Variants in HEATR5A observed in about 807,000 individuals in gnomAD.
HEATR5A encodes the protein HEAT repeat-containing protein 5A.
HEATR5A carries 178 observed loss-of-function variants against 218.8 expected under a neutral mutation model. That is an observed-to-expected ratio of 0.81 (90% CI 0.72 to 0.92). The LOEUF is 0.92. Among genes scored for constraint, HEATR5A ranks in the 40% least tolerant of loss-of-function variants. The probability of loss-of-function intolerance (pLI) is 0.00; values close to 1 mark genes in which losing one functional copy is unlikely to be tolerated. For missense variants in HEATR5A, 2,420 were observed against 2,418.9 expected (o/e 1.00, Z -0.01); for synonymous variants, 864 against 871.6 (o/e 0.99, Z 0.15).
At chr14:31,335,072 G>A (rs1005930175) in intron 22 of HEATR5A, among the ~76,000 whole-genome samples, 1 of 151,896 alleles carries the variant, frequency 6.6e-6, no homozygotes, top group Non-Finnish European at 1.5e-5. Context: ...AAAAGATTAT[G>A]ACTCACTGAA....
At chr14:31,418,402 A>C (rs1340347060) in intron 1 of HEATR5A, among the ~76,000 whole-genome samples, 1 of 152,212 alleles carries the variant, frequency 6.6e-6, no homozygotes, top group Non-Finnish European at 1.5e-5. Context: ...TCAAAAACAA[A>C]ACATGCACAG....
At chr14:31,324,721 T>G (rs2139171071) in intron 23 of HEATR5A, among the ~76,000 whole-genome samples, 1 of 151,024 alleles carries the variant, frequency 6.6e-6, no homozygotes, top group Middle Eastern at 3.4e-3. Flanking sequence ...CTTGCTCTGT[T>G]ACACAATCAT....
intron 1 of HEATR5A, among the ~76,000 whole-genome samples, chr14:31,414,143 GA>G (rs2031372690): frequency 6.6e-6 from 1 of 152,118 alleles, no homozygotes; most frequent in African/African-American, 2.4e-5. Flanking sequence ...ATGGAAGGGG[GA>G]TTTCATTCTG....
At chr14:31,364,345 C>T (rs1010808882) in intron 13 of HEATR5A, 47 bp from the exon 14 acceptor site, 17 of 916,270 alleles carry the variant, frequency 1.9e-5, no homozygotes, top group Non-Finnish European at 2.5e-5. Context: ...AGTTATATAA[C>T]AATATACAAA....
At chr14:31,411,074 G>GC (rs1275457781) in intron 1 of HEATR5A, among the ~76,000 whole-genome samples, 10 of 152,052 alleles carry the variant, frequency 6.6e-5, no homozygotes, top group South Asian at 2.1e-4. Flanking sequence ...AACTTTTATA[G>GC]CCAATGCTGA....
At chr14:31,401,296 G>A (rs968727390) in intron 2 of HEATR5A, among the ~76,000 whole-genome samples, 6 of 152,098 alleles carry the variant, frequency 3.9e-5, no homozygotes, top group Admixed American at 1.3e-4. Context: ...CAGTGAGTGA[G>A]TTCTCACAAG....
Position 31,364,220 on chromosome 14 carries a change from CA to C in HEATR5A, c.2039del (p.Leu680ArgfsTer2), listed in dbSNP as rs1566769143. Reference protein sequence around the residue: ...SVVYRQRLYELLILLPPETYE... With the variant: ...SVVYRQRLYEXLILLPPETYE... ...AGGTCTCAGGAGGTAATAAAATCAA[CA>C]GTTCATAAAGTCTTTGTCTATAAAC... is the stretch of plus-strand genomic sequence containing the variant. On this transcript the variant is annotated frameshift_variant, in exon 14 of 36. Transcript: ENST00000543095. LOFTEE classifies it high-confidence loss of function. The C allele has an allele frequency of 1.3e-6, 2 of 1,545,962 alleles. No individual in the cohort carries two copies. Among genetic ancestry groups the C allele is most frequent in the Admixed American group, 2.0e-5 (1 of 51,128 alleles).
intron 1 of HEATR5A, among the ~76,000 whole-genome samples, chr14:31,406,562 A>G (rs2031067926): frequency 6.6e-6 from 1 of 152,200 alleles, no homozygotes; most frequent in Admixed American, 6.5e-5. Flanking sequence ...AAGGTCACAC[A>G]GAACCTGGGT....
At chr14:31,379,439 G>T (rs2029895515) in intron 11 of HEATR5A, among the ~76,000 whole-genome samples, 1 of 147,942 alleles carries the variant, frequency 6.8e-6, no homozygotes, top group Admixed American at 6.7e-5. Flanking sequence ...TAGTAGAGAT[G>T]GGGTTTCACC....
In HEATR5A at chr14:31,347,891, C is replaced by A; in HGVS notation, c.2725G>T (p.Asp909Tyr). The A allele has an allele frequency of 6.6e-7, 1 of 1,514,956 alleles. No individual in the cohort carries two copies. The highest frequency in any genetic ancestry group is 8.8e-7 in the Non-Finnish European group (1 of 1,135,134). The allele number at this position is 1,514,956 out of a possible 1,614,324, so 93.8% of individuals were successfully genotyped here. A position where few individuals can be genotyped will look rare whatever the true frequency, so the allele number is the denominator to read the frequency against. Residue 909 changes from aspartate to tyrosine, a missense_variant, in exon 19 of 36, where the codon GAT becomes TAT. Coordinates refer to ENST00000543095, the MANE Select transcript of HEATR5A (RefSeq NM_015473.4). ...GAGTGTCCTGTTCTGGTAACCACATCCCTTGCTGATTTCAATCTGTAAATA... is the reference window on the plus strand; with the variant it reads ...GAGTGTCCTGTTCTGGTAACCACATACCTTGCTGATTTCAATCTGTAAATA... Reference protein sequence around the residue: ...VSFDKLKSARDVVTRTGHSLA... With the variant: ...VSFDKLKSARYVVTRTGHSLA...
At chr14:31,301,804 CTTTCTTT>C (rs1899387207) in intron 33 of HEATR5A, among the ~76,000 whole-genome samples, 3 of 99,746 alleles carry the variant, frequency 3.0e-5, no homozygotes, top group Admixed American at 2.6e-4. Flanking sequence ...CAGAACACAG[CTTTCTTT>C]TTTTTTTTTT....
At position 31,312,959 on chromosome 14, in the gene HEATR5A, T is replaced by C. The variant is rs778656372; in HGVS notation, c.4441+9A>G. On this transcript the variant is annotated intron_variant, in intron 28 of 35. Coordinates refer to ENST00000543095, the MANE Select transcript of HEATR5A (RefSeq NM_015473.4). The stretch of plus-strand genomic sequence containing the variant: ...CTCTAGGAATTATCTAAGTATTTTA[T>C]CTCCTTACCTTCAGCAGGAAGTTGG... The C allele has an allele frequency of 1.1e-5, 17 of 1,587,656 alleles. No homozygotes were observed. Among genetic ancestry groups the C allele is most frequent in the Non-Finnish European group, 1.0e-5 (12 of 1,156,568 alleles).
chr14:31,373,661 T>C (rs986352043), intron 12 of HEATR5A, among the ~76,000 whole-genome samples: 1 of 152,130 alleles, frequency 6.6e-6, no homozygotes, highest in African/African-American at 2.4e-5. Flanking sequence ...CTACATATTG[T>C]AGAAGGTACA....
At position 31,308,822 on chromosome 14, in the gene HEATR5A, T is replaced by G. The variant is rs1472150716; in HGVS notation, c.4690+112A>C. On this transcript the variant is annotated intron_variant, in intron 29 of 35. Coordinates refer to ENST00000543095, the MANE Select transcript of HEATR5A (RefSeq NM_015473.4). ...AGTTGACAATAATTGTGAGCTTGAGTTGAAATCGTGCCACTGTACTCCAGC... is the reference window on the plus strand; with the variant it reads ...AGTTGACAATAATTGTGAGCTTGAGGTGAAATCGTGCCACTGTACTCCAGC... 5 of 788,096 alleles carry G rather than the reference T, an allele frequency of 6.3e-6. No individual in the cohort carries two copies. The Admixed American group carries it at 9.5e-5, about 15-fold the overall frequency. The allele number at this position is 788,096 out of a possible 1,614,324, so 48.8% of individuals were successfully genotyped here.
At chr14:31,377,375 A>G (rs1322292742) in intron 11 of HEATR5A, among the ~76,000 whole-genome samples, 2 of 151,632 alleles carry the variant, frequency 1.3e-5, no homozygotes. Flanking sequence ...AAGTGATTAA[A>G]ACATATAAAT....
At chr14:31,414,701 G>A (rs1000656527) in intron 1 of HEATR5A, among the ~76,000 whole-genome samples, 3 of 152,114 alleles carry the variant, frequency 2.0e-5, no homozygotes, top group African/African-American at 7.2e-5. Flanking sequence ...GACTCTACCT[G>A]CTTTGGAATC....
Position 31,302,333 on chromosome 14 carries a change from C to T in HEATR5A, c.5426G>A (p.Arg1809Gln), listed in dbSNP as rs559824863. ...KSRTAWTDLL[R>Q]SALTTILDCW... ...GTCAAGAATTGTTGTTAAGGCACTT[C>T]GGAGAAGGTCAGTCCAAGCAGTACG... Residue 1809 changes from arginine to glutamine, a missense_variant, in exon 33 of 36, where the codon CGA becomes CAA. Coordinates refer to ENST00000543095, the MANE Select transcript of HEATR5A (RefSeq NM_015473.4). 5.2e-5 allele frequency: 83 copies of T among 1,602,892 alleles called. No individual in the cohort carries two copies. In the Admixed American group the frequency reaches 1.1e-3, roughly 22 times the overall value.
intron 33 of HEATR5A, among the ~76,000 whole-genome samples, chr14:31,302,025 G>A (rs1300081975): frequency 1.3e-5 from 2 of 151,250 alleles, no homozygotes; most frequent in Non-Finnish European, 2.9e-5. Context: ...TAGAGATGGG[G>A]TTTCACCATG....
intron 22 of HEATR5A, among the ~76,000 whole-genome samples, chr14:31,327,056 C>T: frequency 6.6e-6 from 1 of 151,684 alleles, no homozygotes; most frequent in East Asian, 1.9e-4. Context: ...CTCACTGCAA[C>T]CTCTGCCTCC....
Sources: gnomAD v4.1 joint callset for allele counts (sites outside exome capture counted in the v4.1 genomes callset) on GRCh38, gnomAD v4.1.1 for gene constraint, MANE v1.5 for transcripts, NCBI Gene and HGNC (gene_info 2026-07-23, HGNC 2026-07-21) for gene names.